GALNT17: variants seen among roughly 807,000 people sequenced by gnomAD.
The protein encoded by GALNT17 is polypeptide N-acetylgalactosaminyltransferase 17.
In GALNT17, 29 loss-of-function variants were observed where a neutral mutation model predicts 63.7. The ratio of observed to expected loss-of-function variants is 0.46; its 90% CI spans 0.34 to 0.62. The LOEUF (loss-of-function observed/expected upper bound fraction) is 0.62. Ranked by LOEUF, GALNT17 falls within the 20% of genes least tolerant of loss-of-function variation. The probability of loss-of-function intolerance (pLI) is 0.01; values close to 1 mark genes in which losing one functional copy is unlikely to be tolerated. For missense variants in GALNT17, 603 were observed against 799.6 expected, an observed-to-expected ratio of 0.75 and a Z score of 2.97; for synonymous variants, 305 against 318.3, an observed-to-expected ratio of 0.96 and a Z score of 0.45.
rs577926204 is a variant in GALNT17, at chr7:71,485,189, T to A, written c.962+64084T>A. Among the ~76,000 whole-genome samples, 9 of 151,948 alleles carry A rather than the reference T, an allele frequency of 5.9e-5. No homozygotes were observed. In the East Asian group the frequency reaches 7.8e-4, roughly 13 times the overall value. On this transcript the variant is annotated intron_variant, in intron 5 of 10. Transcript: ENST00000333538. ...GGCACCATCATAGCTCACTGCAGCT[T>A]CAACCTCCTGGGCTCAAGCGATCCT...
At chr7:71,165,186 G>A (rs1044656985) in intron 1 of GALNT17, among the ~76,000 whole-genome samples, 5 of 152,216 alleles carry the variant, frequency 3.3e-5, no homozygotes, top group African/African-American at 1.2e-4. Context: ...AGAAAGACAG[G>A]TTTTTCAGGG....
chr7:71,177,684 A>G (rs919484677), intron 1 of GALNT17, among the ~76,000 whole-genome samples: 3 of 152,196 alleles, frequency 2.0e-5, no homozygotes, highest in African/African-American at 7.2e-5. Context: ...AGCAAGGGAC[A>G]TGACAGAGTT....
At chr7:71,403,989 G>C (rs571505894) in intron 3 of GALNT17, among the ~76,000 whole-genome samples, 4 of 152,164 alleles carry the variant, frequency 2.6e-5, no homozygotes, top group African/African-American at 9.7e-5. Context: ...TGAAATTCAC[G>C]TGTTATTATT....
intron 1 of GALNT17, among the ~76,000 whole-genome samples, chr7:71,165,530 G>A (rs1788424525): frequency 6.6e-6 from 1 of 152,144 alleles, no homozygotes; most frequent in Non-Finnish European, 1.5e-5. Context: ...CAGATCTTGT[G>A]AGATTTACTC....
chr7:71,462,202 C>A (rs922690255), intron 5 of GALNT17, among the ~76,000 whole-genome samples: 1 of 152,196 alleles, frequency 6.6e-6, no homozygotes, highest in African/African-American at 2.4e-5. Flanking sequence ...AGTGGAGAGC[C>A]TGAAATTCTG....
intron 2 of GALNT17, among the ~76,000 whole-genome samples, chr7:71,377,140 T>TATATATATAA (rs1231300985): frequency 1.8e-5 from 2 of 109,574 alleles, no homozygotes; most frequent in African/African-American, 7.6e-5. Context: ...TATATATATA[T>TATATATATAA]AAAATCTCCT....
intron 5 of GALNT17, among the ~76,000 whole-genome samples, chr7:71,502,861 C>T (rs796478875): frequency 1.6e-4 from 25 of 152,198 alleles, no homozygotes; most frequent in African/African-American, 5.5e-4. Context: ...ATGAAGTTGC[C>T]GAAACAGCCT....
chr7:71,277,311 G>C (rs1790700002), intron 1 of GALNT17, among the ~76,000 whole-genome samples: 1 of 152,108 alleles, frequency 6.6e-6, no homozygotes, highest in Non-Finnish European at 1.5e-5. Flanking sequence ...TAGACATAAA[G>C]ATGGAAATGA....
intron 6 of GALNT17, among the ~76,000 whole-genome samples, chr7:71,618,498 A>G (rs779958478): frequency 3.3e-5 from 5 of 152,116 alleles, no homozygotes; most frequent in African/African-American, 1.2e-4. Context: ...CTTTTTAGTA[A>G]TAGCCATTCT....
chr7:71,430,061 G>T (rs901768507), intron 5 of GALNT17, among the ~76,000 whole-genome samples: 5 of 152,066 alleles, frequency 3.3e-5, no homozygotes, highest in Non-Finnish European at 5.9e-5. Flanking sequence ...TGCCCAGGCT[G>T]GTCTTGATCT....
At chr7:71,190,524 C>T (rs2116336855) in intron 1 of GALNT17, among the ~76,000 whole-genome samples, 1 of 152,282 alleles carries the variant, frequency 6.6e-6, no homozygotes, top group East Asian at 1.9e-4. Context: ...TGTATGGCCT[C>T]CAGAAATGTG....
rs1459939326 is a variant in GALNT17, at chr7:71,132,549, C to T, written c.-254C>T. 2.0e-6 allele frequency: 1 copy of T among 497,420 alleles called. No homozygotes were observed. Among genetic ancestry groups the T allele is most frequent in the Non-Finnish European group, 3.5e-6 (1 of 282,604 alleles). 30.8% of individuals were successfully genotyped at this position (497,420 alleles called of 1,614,324 possible). ...GAGACGCCTGGACGGGGCCGTGCGC[C>T]GTGGACTGAGCAGGCGTCTCGGGGA... On this transcript the variant is annotated 5_prime_UTR_variant, in exon 1 of 11. Coordinates refer to ENST00000333538, the MANE Select transcript of GALNT17 (RefSeq NM_022479.3).
intron 1 of GALNT17, among the ~76,000 whole-genome samples, chr7:71,330,901 C>T (rs1156772313): frequency 1.3e-5 from 2 of 151,986 alleles, no homozygotes; most frequent in African/African-American, 4.8e-5. Flanking sequence ...ATTGCCTATC[C>T]TTCCCCTTCT....
At chr7:71,645,305 A>T (rs1191477551) in intron 6 of GALNT17, among the ~76,000 whole-genome samples, 1 of 152,180 alleles carries the variant, frequency 6.6e-6, no homozygotes, top group African/African-American at 2.4e-5. Flanking sequence ...CCCACATGTC[A>T]TGGGAGGGAC....
At chr7:71,424,909 G>A (rs1453144748) in intron 5 of GALNT17, among the ~76,000 whole-genome samples, 1 of 152,154 alleles carries the variant, frequency 6.6e-6, no homozygotes, top group Non-Finnish European at 1.5e-5. Context: ...TTCCCGGTAA[G>A]CAACATAATA....
At chr7:71,540,092 C>CATTTTTTTTTTTT (rs1202520298) in intron 5 of GALNT17, among the ~76,000 whole-genome samples, 1 of 59,954 alleles carries the variant, frequency 1.7e-5, no homozygotes. Flanking sequence ...CTGTGCCTGG[C>CATTTTTTTTTTTT]CTTTTTTTTT....
chr7:71,293,978 T>C (rs538679372), intron 1 of GALNT17, among the ~76,000 whole-genome samples: 1 of 152,166 alleles, frequency 6.6e-6, no homozygotes, highest in South Asian at 2.1e-4. Context: ...GCTAACACGG[T>C]AAAACCCCGT....
At chr7:71,209,182 A>G (rs903515974) in intron 1 of GALNT17, among the ~76,000 whole-genome samples, 6 of 152,290 alleles carry the variant, frequency 3.9e-5, no homozygotes, top group African/African-American at 1.2e-4. Context: ...ATGTTTTTCA[A>G]TCCTTTACAA....
At chr7:71,502,572 G>A (rs1788198089) in intron 5 of GALNT17, among the ~76,000 whole-genome samples, 1 of 152,134 alleles carries the variant, frequency 6.6e-6, no homozygotes. Flanking sequence ...CTTCCTCAAA[G>A]CCACCATGCT....
Sources: gnomAD v4.1 joint callset for allele counts (sites outside exome capture counted in the v4.1 genomes callset) on GRCh38, gnomAD v4.1.1 for gene constraint, MANE v1.5 for transcripts, NCBI Gene and HGNC (gene_info 2026-07-23, HGNC 2026-07-21) for gene names.